The following BAZ2B variants were observed in gnomAD, a reference collection of about 807,000 sequenced individuals.
BAZ2B encodes the protein bromodomain adjacent to zinc finger domain 2B.
Under a neutral mutation model 246.0 loss-of-function variants are expected in BAZ2B, and 91 were observed. That is an observed-to-expected ratio of 0.37 (90% CI 0.31 to 0.44). The LOEUF is 0.44. BAZ2B is among the 20% of genes least tolerant of loss of function. The pLI is 1.00. For synonymous variants in BAZ2B, 855 were observed against 860.0 expected, an observed-to-expected ratio of 0.99 and a Z score of 0.10; for missense variants, 2,332 against 2,533.7, an observed-to-expected ratio of 0.92 and a Z score of 1.71.
chr2:159,485,062 T>C (rs921275298), intron 2 of BAZ2B, among the ~76,000 whole-genome samples: 1 of 152,078 alleles, frequency 6.6e-6, no homozygotes, highest in Non-Finnish European at 1.5e-5. Flanking sequence ...TATCAGGAGG[T>C]AGTCACTATG....
intron 2 of BAZ2B, among the ~76,000 whole-genome samples, chr2:159,530,612 T>C (rs767794698): frequency 6.6e-6 from 1 of 152,200 alleles, no homozygotes; most frequent in African/African-American, 2.4e-5. Context: ...GTTATGCATA[T>C]ATAACTTTAT....
intron 2 of BAZ2B, among the ~76,000 whole-genome samples, chr2:159,529,239 T>C (rs909694993): frequency 1.3e-5 from 2 of 152,044 alleles, no homozygotes; most frequent in African/African-American, 4.8e-5. Context: ...CAACCAATGC[T>C]CTACCAAAAC....
At chr2:159,364,794 G>A (rs1008061653) in intron 27 of BAZ2B, among the ~76,000 whole-genome samples, 1 of 152,138 alleles carries the variant, frequency 6.6e-6, no homozygotes. Context: ...TTACAAGGTC[G>A]GCAGACGTTG....
At chr2:159,417,974 G>T (rs2068059169) in intron 13 of BAZ2B, among the ~76,000 whole-genome samples, 1 of 152,206 alleles carries the variant, frequency 6.6e-6, no homozygotes, top group African/African-American at 2.4e-5. Context: ...GAGATGAATA[G>T]TACATTAGTC....
At chr2:159,447,700 T>C (rs7589762) in intron 5 of BAZ2B, among the ~76,000 whole-genome samples, 50,367 of 152,098 alleles carry the variant, frequency 0.33, 9,918 homozygotes, top group Non-Finnish European at 0.47. Context: ...CATATGTAAG[T>C]AGTATTTTCT....
chr2:159,500,165 T>C (rs1045892927), intron 2 of BAZ2B, among the ~76,000 whole-genome samples: 1 of 152,210 alleles, frequency 6.6e-6, no homozygotes, highest in African/African-American at 2.4e-5. Context: ...TACATTTAAG[T>C]CTTTAATCCA....
At chr2:159,590,218 A>C (rs1218172757) in intron 1 of BAZ2B, among the ~76,000 whole-genome samples, 6 of 116,110 alleles carry the variant, frequency 5.2e-5, no homozygotes, top group African/African-American at 9.9e-5. Context: ...AAAAAAAAAA[A>C]AAAAAAAAAA....
At chr2:159,608,932 C>G (rs1015370892) in intron 1 of BAZ2B, among the ~76,000 whole-genome samples, 5 of 152,152 alleles carry the variant, frequency 3.3e-5, no homozygotes, top group African/African-American at 4.8e-5. Context: ...ACTTCATCAT[C>G]TAGTGTGGGG....
At chr2:159,666,422 G>C in the BAZ2B span, among the ~76,000 whole-genome samples, 29 of 151,928 alleles carry the variant, frequency 1.9e-4, no homozygotes, top group Non-Finnish European at 3.1e-4. Context: ...ACCATGCCTA[G>C]CTAAATTTTT....
In BAZ2B at chr2:159,349,183, A is replaced by G. The variant is rs1559053832; in HGVS notation, c.4961T>C (p.Leu1654Pro). 1.2e-6 allele frequency: 2 copies of G among 1,614,132 alleles called. No homozygotes were observed. Among genetic ancestry groups the G allele is most frequent in the Non-Finnish European group, 1.7e-6 (2 of 1,179,988 alleles). ...NIPFTSSVPS[L>P]GSGLGLSEGN... ...TTCTGATAACCCTAACCCCGATCCTAGACTAGGTACAGATGATGTAAATGG... is the reference window on the plus strand; with the variant it reads ...TTCTGATAACCCTAACCCCGATCCTGGACTAGGTACAGATGATGTAAATGG... The change falls in exon 29 of 37, where the codon CTA becomes CCA. Residue 1654 changes from leucine (L) to proline (P), a missense_variant. Leu to Pro is a moderately conservative substitution (Grantham distance 98). Coordinates refer to ENST00000392783, the MANE Select transcript of BAZ2B (RefSeq NM_013450.4).
At chr2:159,609,073 C>A (rs1694142359) in intron 1 of BAZ2B, among the ~76,000 whole-genome samples, 1 of 152,178 alleles carries the variant, frequency 6.6e-6, no homozygotes, top group African/African-American at 2.4e-5. Flanking sequence ...AAAAGGAGAG[C>A]TGAAATAGCA....
chr2:159,498,118 C>T (rs2081346590), intron 2 of BAZ2B, among the ~76,000 whole-genome samples: 1 of 152,096 alleles, frequency 6.6e-6, no homozygotes, highest in Admixed American at 6.5e-5. Context: ...GCTTTGGTTG[C>T]TGAATCAGTA....
Position 159,329,136 on chromosome 2 carries a change from GAAAAAAAA to G in BAZ2B, c.5944-3226_5944-3219del, listed in dbSNP as rs567964390. ...ACAGAGTGAGACTCTGTCTTAATAGGAAAAAAAAAAAAAAAAAGAAAATATAAAGCAAA... is the reference window on the plus strand; with the variant it reads ...ACAGAGTGAGACTCTGTCTTAATAGGAAAAAAAAAGAAAATATAAAGCAAA... On this transcript the variant is annotated intron_variant, in intron 34 of 36. Transcript: ENST00000392783. Among the ~76,000 whole-genome samples, 13 of 73,478 alleles carry G rather than the reference GAAAAAAAA, an allele frequency of 1.8e-4. 1 individual carries two copies. Among genetic ancestry groups the G allele is most frequent in the Admixed American group, 1.1e-3 (7 of 6,262 alleles). The allele number at this position is 73,478 out of a possible 152,430, so 48.2% of individuals were successfully genotyped here.
chr2:159,633,260 A>G, the BAZ2B span, among the ~76,000 whole-genome samples: 1 of 152,090 alleles, frequency 6.6e-6, no homozygotes, highest in Non-Finnish European at 1.5e-5. Flanking sequence ...CCCTTGAAGA[A>G]TGCACAGTCC....
intron 33 of BAZ2B, among the ~76,000 whole-genome samples, chr2:159,334,985 C>T (rs939924841): frequency 3.3e-5 from 5 of 152,018 alleles, no homozygotes; most frequent in Non-Finnish European, 5.9e-5. Flanking sequence ...GTAATCACAG[C>T]ACACTACAGC....
chr2:159,658,333 GA>G, the BAZ2B span, among the ~76,000 whole-genome samples: 5 of 151,328 alleles, frequency 3.3e-5, no homozygotes, highest in African/African-American at 4.9e-5. Flanking sequence ...ATATTTAGTA[GA>G]AAAAAAACAT....
chr2:159,515,052 C>T (rs1046402413), intron 2 of BAZ2B, among the ~76,000 whole-genome samples: 8 of 151,922 alleles, frequency 5.3e-5, no homozygotes, highest in African/African-American at 1.9e-4. Flanking sequence ...TACATTATCC[C>T]ATTTTTTAAC....
At chr2:159,440,148 A>T (rs984434266) in intron 6 of BAZ2B, among the ~76,000 whole-genome samples, 1 of 152,214 alleles carries the variant, frequency 6.6e-6, no homozygotes, top group Non-Finnish European at 1.5e-5. Flanking sequence ...ATTATTTAAC[A>T]ATGGGAAAGT....
chr2:159,457,542 G>T (rs1364161970), intron 3 of BAZ2B, among the ~76,000 whole-genome samples: 1 of 152,114 alleles, frequency 6.6e-6, no homozygotes, highest in Non-Finnish European at 1.5e-5. Context: ...AGATTCCTTT[G>T]CCTTATTTCC....
Sources: gnomAD v4.1 joint callset for allele counts (sites outside exome capture counted in the v4.1 genomes callset) on GRCh38, gnomAD v4.1.1 for gene constraint, MANE v1.5 for transcripts, NCBI Gene and HGNC (gene_info 2026-07-23, HGNC 2026-07-21) for gene names.